Variants in ATXN7L1 observed in about 807,000 individuals in gnomAD.
The protein encoded by ATXN7L1 is ataxin-7-like protein 1.
ATXN7L1 carries 15 observed loss-of-function variants against 70.8 expected under a neutral mutation model. The observed-to-expected ratio is 0.21, with a 90% CI of 0.14 to 0.33. The LOEUF (loss-of-function observed/expected upper bound fraction) is 0.33. Among genes scored for constraint, ATXN7L1 ranks in the 10% least tolerant of loss-of-function variants. The pLI is 1.00. For missense variants in ATXN7L1, 975 were observed against 1,097.1 expected (o/e 0.89, Z 1.57); for synonymous variants, 440 against 445.1 (o/e 0.99, Z 0.14).
intron 2 of ATXN7L1, among the ~76,000 whole-genome samples, chr7:105,836,547 G>A (rs1054510234): frequency 1.2e-4 from 18 of 152,308 alleles, no homozygotes; most frequent in Non-Finnish European, 5.9e-5. Flanking sequence ...GGGACAGATG[G>A]CAAACAATAT....
intron 3 of ATXN7L1, among the ~76,000 whole-genome samples, chr7:105,685,080 AATAAT>A (rs1486312581): frequency 3.8e-5 from 5 of 131,754 alleles, no homozygotes; most frequent in East Asian, 5.0e-4. Flanking sequence ...TAATAATAAT[AATAAT>A]AAATGGTTTT....
chr7:105,742,931 C>G (rs1798175924), intron 3 of ATXN7L1, among the ~76,000 whole-genome samples: 1 of 152,140 alleles, frequency 6.6e-6, no homozygotes, highest in South Asian at 2.1e-4. Flanking sequence ...CACCTCTCCC[C>G]CTCTCAACAT....
chr7:105,652,194 C>G (rs1043311800), intron 4 of ATXN7L1, among the ~76,000 whole-genome samples: 1 of 152,166 alleles, frequency 6.6e-6, no homozygotes, highest in East Asian at 1.9e-4. Context: ...CCTTTGGGAC[C>G]AGCTGTGTCT....
At chr7:105,809,740 A>G (rs1808145589) in intron 2 of ATXN7L1, among the ~76,000 whole-genome samples, 2 of 151,114 alleles carry the variant, frequency 1.3e-5, no homozygotes, top group African/African-American at 4.9e-5. Context: ...TGAGGTGCCT[A>G]TGCTTACCTG....
At chr7:105,870,511 T>C (rs1818099236) in intron 2 of ATXN7L1, among the ~76,000 whole-genome samples, 1 of 152,214 alleles carries the variant, frequency 6.6e-6, no homozygotes, top group Non-Finnish European at 1.5e-5. Flanking sequence ...GCACTTACTA[T>C]GTGCTAAGCC....
intron 2 of ATXN7L1, among the ~76,000 whole-genome samples, chr7:105,875,552 T>C (rs979224633): frequency 6.6e-6 from 1 of 151,404 alleles, no homozygotes; most frequent in Non-Finnish European, 1.5e-5. Context: ...ATGGCAGATA[T>C]GCATCAGAAG....
At chr7:105,705,619 C>G (rs557055502) in intron 3 of ATXN7L1, among the ~76,000 whole-genome samples, 63 of 152,318 alleles carry the variant, frequency 4.1e-4, no homozygotes, top group Admixed American at 9.2e-4. Context: ...ACCCTCCCCC[C>G]ATGCACCCCT....
chr7:105,663,096 T>C (rs1184610886), intron 4 of ATXN7L1, among the ~76,000 whole-genome samples: 1 of 152,204 alleles, frequency 6.6e-6, no homozygotes, highest in African/African-American at 2.4e-5. Flanking sequence ...CGGGACACCA[T>C]GCAGCCCCAG....
At chr7:105,625,426 T>C (rs577986409) in intron 7 of ATXN7L1, among the ~76,000 whole-genome samples, 5 of 152,234 alleles carry the variant, frequency 3.3e-5, no homozygotes, top group African/African-American at 1.2e-4. Context: ...AATTTTTGTA[T>C]TTTTAGTGGA....
chr7:105,648,004 C>A (rs1799311532), intron 4 of ATXN7L1, among the ~76,000 whole-genome samples: 1 of 152,166 alleles, frequency 6.6e-6, no homozygotes, highest in Non-Finnish European at 1.5e-5. Flanking sequence ...GGAAAGACAG[C>A]CTCACGTGCA....
At chr7:105,745,257 A>G (rs1405307274) in intron 3 of ATXN7L1, among the ~76,000 whole-genome samples, 1 of 152,148 alleles carries the variant, frequency 6.6e-6, no homozygotes, top group East Asian at 1.9e-4. Flanking sequence ...TTAAAAAACC[A>G]ATCTGTATAG....
intron 2 of ATXN7L1, among the ~76,000 whole-genome samples, chr7:105,827,341 T>C (rs1811010179): frequency 6.6e-6 from 1 of 152,264 alleles, no homozygotes; most frequent in Non-Finnish European, 1.5e-5. Context: ...ACATTTTTAC[T>C]GTGGTAAAAT....
chr7:105,757,090 G>C (rs1287552796), intron 3 of ATXN7L1, among the ~76,000 whole-genome samples: 1 of 152,104 alleles, frequency 6.6e-6, no homozygotes, highest in Admixed American at 6.5e-5. Context: ...GTCACGAAAG[G>C]GGCCAAAAAG....
At chr7:105,841,230 G>A (rs555013310) in intron 2 of ATXN7L1, among the ~76,000 whole-genome samples, 7 of 152,288 alleles carry the variant, frequency 4.6e-5, no homozygotes, top group Non-Finnish European at 7.4e-5. Context: ...GCATGAGACC[G>A]CAGGTTCTGC....
intron 3 of ATXN7L1, among the ~76,000 whole-genome samples, chr7:105,766,451 T>G (rs1801261417): frequency 6.6e-6 from 1 of 152,182 alleles, no homozygotes; most frequent in Admixed American, 6.5e-5. Flanking sequence ...ATTAGTAGCA[T>G]TCTGTGGAAC....
At chr7:105,837,314 T>C (rs1207913399) in intron 2 of ATXN7L1, among the ~76,000 whole-genome samples, 3 of 152,108 alleles carry the variant, frequency 2.0e-5, no homozygotes, top group African/African-American at 7.2e-5. Context: ...TCTGATTCCT[T>C]CCTACTTCTT....
chr7:105,812,518 T>C (rs1191181892), intron 2 of ATXN7L1, among the ~76,000 whole-genome samples: 1 of 152,224 alleles, frequency 6.6e-6, no homozygotes, highest in Admixed American at 6.5e-5. Context: ...CCACAAACTT[T>C]ACTGAGCATA....
chr7:105,646,145 T>C (rs1409879372), intron 4 of ATXN7L1, among the ~76,000 whole-genome samples: 10 of 151,780 alleles, frequency 6.6e-5, no homozygotes, highest in Non-Finnish European at 1.3e-4. Context: ...GACCATTCTC[T>C]ACAAAATAGA....
chr7:105,801,491 C>G (rs572050836), intron 2 of ATXN7L1, among the ~76,000 whole-genome samples: 2 of 152,338 alleles, frequency 1.3e-5, no homozygotes, highest in Non-Finnish European at 2.9e-5. Context: ...ATTGTCCTAT[C>G]ATGATCACTA....
Sources: gnomAD v4.1 joint callset for allele counts (sites outside exome capture counted in the v4.1 genomes callset) on GRCh38, gnomAD v4.1.1 for gene constraint, MANE v1.5 for transcripts, NCBI Gene and HGNC (gene_info 2026-07-23, HGNC 2026-07-21) for gene names.